Variants in FRMD8 observed in about 807,000 individuals in gnomAD.
The protein encoded by FRMD8 is FERM domain-containing protein 8.
In FRMD8, 37 loss-of-function variants were observed where a neutral mutation model predicts 54.2. The ratio of observed to expected loss-of-function variants is 0.68; its 90% CI spans 0.53 to 0.90. FRMD8 has a LOEUF of 0.90. Ranked by LOEUF, FRMD8 falls within the 40% of genes least tolerant of loss-of-function variation. The pLI is 0.00. For missense variants in FRMD8, 585 were observed against 653.7 expected, an observed-to-expected ratio of 0.89 and a Z score of 1.15; for synonymous variants, 246 against 286.9, an observed-to-expected ratio of 0.86 and a Z score of 1.44.
At chr11:65,399,296 G>C (rs930619505) in intron 7 of FRMD8, among the ~76,000 whole-genome samples, 3 of 152,060 alleles carry the variant, frequency 2.0e-5, no homozygotes, top group African/African-American at 7.3e-5. Flanking sequence ...ACCGCGCCCA[G>C]CCTCTTCTCA....
intron 10 of FRMD8, among the ~76,000 whole-genome samples, chr11:65,410,884 C>CATT (rs1379226139): frequency 1.3e-5 from 2 of 152,324 alleles, no homozygotes; most frequent in Non-Finnish European, 2.9e-5. Context: ...CCGGTATTGC[C>CATT]ATTATTAGCC....
chr11:65,405,057 A>G lies in FRMD8; in HGVS notation c.1265A>G (p.Tyr422Cys). The G allele has an allele frequency of 6.2e-7, 1 of 1,613,264 alleles. No homozygotes were observed. The highest frequency in any genetic ancestry group is 1.7e-4 in the Middle Eastern group (1 of 6,060). The change falls in exon 10 of 11, where the codon TAC becomes TGC. Residue 422 changes from tyrosine to cysteine, a missense_variant. Physicochemically the swap from Tyr to Cys is radical, Grantham distance 194. Coordinates refer to ENST00000317568, the MANE Select transcript of FRMD8 (RefSeq NM_031904.5). ...SRIQHLSTID[Y>C]VEDGKGIRRV... Reference sequence around the variant, plus strand: ...ATCCAGCATCTCTCCACCATCGACTACGTGGAGGACGGTGAGCAGCCCTTC... The same window carrying G: ...ATCCAGCATCTCTCCACCATCGACTGCGTGGAGGACGGTGAGCAGCCCTTC...
intron 1 of FRMD8, 100 bp from the exon 2 acceptor site, chr11:65,386,937 C>A: frequency 9.3e-7 from 1 of 1,070,638 alleles, no homozygotes. Flanking sequence ...CCTTGCGGAC[C>A]CAGCCTGGGA....
At chr11:65,393,837 G>C (rs1324327789) in intron 4 of FRMD8, 163 bp downstream of exon 4, 1 of 789,732 alleles carries the variant, frequency 1.3e-6, no homozygotes, top group East Asian at 2.7e-5. Flanking sequence ...GGGAGGAAGG[G>C]GTCCCTGAGT....
intron 1 of FRMD8, 102 bp downstream of exon 1, chr11:65,386,863 A>C: frequency 1.6e-6 from 1 of 627,322 alleles, no homozygotes; most frequent in Non-Finnish European, 2.8e-6. Flanking sequence ...TGACCGTAGC[A>C]ACCCGCACCC....
intron 7 of FRMD8, among the ~76,000 whole-genome samples, chr11:65,397,258 T>C (rs1855978464): frequency 6.6e-6 from 1 of 152,196 alleles, no homozygotes; most frequent in Admixed American, 6.5e-5. Flanking sequence ...CACAGTCACC[T>C]CGTCACTGGC....
intron 9 of FRMD8, among the ~76,000 whole-genome samples, chr11:65,401,572 C>G (rs530547115): frequency 2.4e-4 from 37 of 151,122 alleles, no homozygotes; most frequent in Middle Eastern, 3.4e-3. Context: ...CAGACCCCAC[C>G]CCTGCGCCTC....
intron 10 of FRMD8, among the ~76,000 whole-genome samples, chr11:65,411,028 G>C (rs1442315512): frequency 6.6e-6 from 1 of 152,196 alleles, no homozygotes; most frequent in Non-Finnish European, 1.5e-5. Context: ...GACCCTCCTT[G>C]TCTGTGATGA....
Position 65,386,722 on chromosome 11 carries a change from A to G in FRMD8, c.-40A>G. On this transcript the variant is annotated 5_prime_UTR_variant, in exon 1 of 11. Coordinates refer to ENST00000317568, the MANE Select transcript of FRMD8 (RefSeq NM_031904.5). Reference sequence around the variant, plus strand: ...GCGGCGGGGCAGGATTCCAGGCAGGAGCCTTGCCTCTCAGGTGGCGGGCTC... The same window carrying G: ...GCGGCGGGGCAGGATTCCAGGCAGGGGCCTTGCCTCTCAGGTGGCGGGCTC... 1 of 375,664 alleles carries G rather than the reference A, an allele frequency of 2.7e-6. No individual in the cohort carries two copies. The highest frequency in any genetic ancestry group is 4.2e-5 in the East Asian group (1 of 23,756). 23.3% of individuals were successfully genotyped at this position (375,664 alleles called of 1,614,324 possible). A position where few individuals can be genotyped will look rare whatever the true frequency, so the allele number is the denominator to read the frequency against.
the FRMD8 span, chr11:65,377,501 G>A: frequency 3.6e-6 from 3 of 823,000 alleles, no homozygotes; most frequent in Non-Finnish European, 4.4e-6. Context: ...TTCCCAGGGT[G>A]AAGGAGGTCC....
chr11:65,401,037 C>T (rs1383353451), intron 9 of FRMD8, among the ~76,000 whole-genome samples, 170 bp downstream of exon 9: 2 of 152,070 alleles, frequency 1.3e-5, no homozygotes, highest in Non-Finnish European at 2.9e-5. Flanking sequence ...TGACCCAGAG[C>T]TGCCCTGGGA....
At chr11:65,405,097 C>T (rs752207023) in intron 10 of FRMD8, 29 bp downstream of exon 10, 4 of 1,597,726 alleles carry the variant, frequency 2.5e-6, no homozygotes, top group Non-Finnish European at 3.4e-6. Flanking sequence ...CATGTGCACA[C>T]ACAAACACGC....
At chr11:65,399,494 G>A (rs1316702306) in intron 7 of FRMD8, among the ~76,000 whole-genome samples, 7 of 152,064 alleles carry the variant, frequency 4.6e-5, no homozygotes, top group South Asian at 2.1e-4. Flanking sequence ...GCTTCCCTCC[G>A]CCTGCAGTGC....
At position 65,400,597 on chromosome 11, in the gene FRMD8, A is replaced by T; in HGVS notation, c.928-127A>T. ...AAGCTGAGGCTCTCTCCTTACAGAA[A>T]CACATGAACAAATGTAGACTCAGCC... On this transcript the variant is annotated intron_variant, in intron 8 of 10. Transcript: ENST00000317568. This position sits in a 1 kb window ranked among gnomAD's most constrained non-coding sequence, Gnocchi z 4.3. The T allele has an allele frequency of 1.1e-6, 1 of 946,276 alleles. No individual in the cohort carries two copies. Among genetic ancestry groups the T allele is most frequent in the South Asian group, 2.1e-5 (1 of 48,192 alleles). The allele number at this position is 946,276 out of a possible 1,614,324, so 58.6% of individuals were successfully genotyped here.
In FRMD8 at chr11:65,404,520, C is replaced by G. The variant is rs573711130; in HGVS notation, c.1072-344C>G. ...GCCAGCACCACCCGCCTCCCCGCCC[C>G]GCTTCCCCACTCTTCGTCCTCTCTG... is the stretch of plus-strand genomic sequence containing the variant. On this transcript the variant is annotated intron_variant, in intron 9 of 10. Coordinates refer to ENST00000317568, the MANE Select transcript of FRMD8 (RefSeq NM_031904.5). The surrounding 1 kb of genome is among the most constrained non-coding windows in gnomAD (Gnocchi z 4.7). 2.6e-5 allele frequency among the ~76,000 whole-genome samples: 4 copies of G among 151,908 alleles called. No homozygotes were observed. In the South Asian group the frequency reaches 8.4e-4, roughly 32 times the overall value.
intron 7 of FRMD8, 36 bp from the exon 8 acceptor site, chr11:65,399,700 G>A: frequency 2.5e-6 from 4 of 1,608,828 alleles, no homozygotes; most frequent in South Asian, 1.1e-5. Context: ...AGCATTTCTG[G>A]TGCTGGCCGG....
chr11:65,387,093 A>C lies in FRMD8; in HGVS notation c.57A>C (p.Arg19=). ...GQPGPAERSH[R]SSVSSVGARA... is the part of the protein sequence containing the mutation. ...CCGGCCCCGCTGAGCGATCCCACCG[A>C]AGCAGCGTGTCCTCCGTGGGAGCCC... The change falls in exon 2 of 11, where the codon CGA becomes CGC. Residue 19 remains arginine, a synonymous_variant. Coordinates refer to ENST00000317568, the MANE Select transcript of FRMD8 (RefSeq NM_031904.5). The C allele has an allele frequency of 6.2e-7, 1 of 1,607,682 alleles. No individual in the cohort carries two copies. Among genetic ancestry groups the C allele is most frequent in the Non-Finnish European group, 8.5e-7 (1 of 1,179,972 alleles).
chr11:65,376,425 G>A, the FRMD8 span: 3 of 1,613,870 alleles, frequency 1.9e-6, no homozygotes, highest in Non-Finnish European at 2.5e-6. Context: ...ACCAGCGGAG[G>A]AGATATTCGT....
rs1477062931 is a variant in FRMD8, at chr11:65,389,391, A to G, written c.116A>G (p.Asp39Gly). The change falls in exon 3 of 11, where the codon GAC (aspartate) becomes GGC (glycine). Residue 39 changes from aspartate (D) to glycine (G), a missense_variant. Asp to Gly is a moderately conservative substitution (Grantham distance 94). Coordinates refer to ENST00000317568, the MANE Select transcript of FRMD8 (RefSeq NM_031904.5). ...GACGTGCTGGTATACCTAGCGGATGACACGGTGGTGCCCCTGGCTGTGGAG... is the reference window on the plus strand; with the variant it reads ...GACGTGCTGGTATACCTAGCGGATGGCACGGTGGTGCCCCTGGCTGTGGAG... Reference protein sequence around the residue: ...AADVLVYLADDTVVPLAVENL... With the variant: ...AADVLVYLADGTVVPLAVENL... The G allele has an allele frequency of 2.3e-5, 37 of 1,610,652 alleles. No homozygotes were observed. The highest frequency in any genetic ancestry group is 3.1e-5 in the Non-Finnish European group (37 of 1,179,978).
Sources: gnomAD v4.1 joint callset for allele counts (sites outside exome capture counted in the v4.1 genomes callset) on GRCh38, gnomAD v4.1.1 for gene constraint, Gnocchi (gnomAD v3.1) non-coding constraint, MANE v1.5 for transcripts, NCBI Gene and HGNC (gene_info 2026-07-23, HGNC 2026-07-21) for gene names.